RAB38: variants seen among roughly 807,000 people sequenced by gnomAD.
RAB38 encodes the protein ras-related protein Rab-38.
In RAB38, 15 loss-of-function variants were observed where a neutral mutation model predicts 18.4. The observed-to-expected ratio is 0.82, with a 90% CI of 0.55 to 1.26. RAB38 has a LOEUF of 1.26. RAB38 is among the 50% of genes most tolerant of loss of function. RAB38 has a pLI of 0.00. For synonymous variants in RAB38, 101 were observed against 104.4 expected (o/e 0.97, Z 0.20); for missense variants, 294 against 267.4 (o/e 1.10, Z -0.69).
the RAB38 span, among the ~76,000 whole-genome samples, chr11:88,103,792 T>A: frequency 0.015 from 2,292 of 152,258 alleles, 56 homozygotes; most frequent in African/African-American, 0.053. Flanking sequence ...AGGCACAATG[T>A]AAAGCCTTGT....
the RAB38 span, among the ~76,000 whole-genome samples, chr11:88,080,180 T>TGAG: frequency 6.6e-6 from 1 of 151,358 alleles, no homozygotes. Flanking sequence ...AAGTAAAGAG[T>TGAG]GAGCTTCTCA....
the RAB38 span, among the ~76,000 whole-genome samples, chr11:88,078,288 A>T: frequency 2.0e-5 from 3 of 152,006 alleles, no homozygotes; most frequent in African/African-American, 2.4e-5. Flanking sequence ...TAAAATTACC[A>T]TATGATCCAT....
the RAB38 span, among the ~76,000 whole-genome samples, chr11:88,097,460 G>A: frequency 6.6e-6 from 1 of 151,854 alleles, no homozygotes; most frequent in Non-Finnish European, 1.5e-5. Flanking sequence ...CAGAAACACA[G>A]AGGAAAGAGT....
the RAB38 span, among the ~76,000 whole-genome samples, chr11:87,832,767 C>G: frequency 1.4e-5 from 2 of 139,370 alleles, no homozygotes; most frequent in Non-Finnish European, 3.0e-5. Flanking sequence ...TTGGATCCAC[C>G]TAGATCACTC....
chr11:87,943,704 A>G, the RAB38 span, among the ~76,000 whole-genome samples: 4 of 152,102 alleles, frequency 2.6e-5, no homozygotes, highest in Non-Finnish European at 5.9e-5. Flanking sequence ...AGAGGTCTTA[A>G]AGATGGAGCA....
the RAB38 span, among the ~76,000 whole-genome samples, chr11:88,057,477 G>A: frequency 2.6e-5 from 4 of 151,562 alleles, no homozygotes; most frequent in African/African-American, 9.7e-5. Flanking sequence ...AAAAAAAAAT[G>A]AGGGAAAATG....
chr11:87,827,053 A>G, the RAB38 span, among the ~76,000 whole-genome samples: 1 of 152,300 alleles, frequency 6.6e-6, no homozygotes, highest in Non-Finnish European at 1.5e-5. Context: ...AGGTAACAAT[A>G]AGGAGTACCT....
At chr11:87,912,425 A>T in the RAB38 span, among the ~76,000 whole-genome samples, 1 of 151,940 alleles carries the variant, frequency 6.6e-6, no homozygotes, top group African/African-American at 2.4e-5. Context: ...TGAGCTTTTT[A>T]TAGTTTGTGT....
the RAB38 span, among the ~76,000 whole-genome samples, chr11:87,820,448 A>T: frequency 6.6e-6 from 1 of 152,226 alleles, no homozygotes; most frequent in African/African-American, 2.4e-5. Context: ...GAGAAACCTA[A>T]CATAGTACTT....
the RAB38 span, among the ~76,000 whole-genome samples, chr11:87,860,936 G>T: frequency 2.0e-5 from 3 of 151,784 alleles, no homozygotes; most frequent in African/African-American, 7.2e-5. Flanking sequence ...TTCAAAAGAA[G>T]CCCCCATCTC....
the RAB38 span, among the ~76,000 whole-genome samples, chr11:87,957,750 G>A: frequency 6.6e-6 from 1 of 152,040 alleles, no homozygotes; most frequent in Non-Finnish European, 1.5e-5. Flanking sequence ...ATAATCTGAG[G>A]TGGGGAGAAA....
chr11:88,149,887 C>A lies in RAB38; in HGVS notation c.271G>T (p.Asp91Tyr), dbSNP rs781587258. 1 of 1,613,862 alleles carries A rather than the reference C, an allele frequency of 6.2e-7. No homozygotes were observed. The highest frequency in any genetic ancestry group is 8.5e-7 in the Non-Finnish European group (1 of 1,179,934). The change falls in exon 2 of 3, where the codon GAT becomes TAT. Residue 91 changes from aspartate to tyrosine, a missense_variant. Transcript: ENST00000243662. ...REAMGAFIVFDVTRPATFEAV... is the reference protein window; with the variant it reads ...REAMGAFIVFYVTRPATFEAV... ...TCAAATGTGGCTGGCCTGGTGACAT[C>A]GAAGACAATAAATGCACCCATAGCT...
chr11:87,974,348 C>T, the RAB38 span, among the ~76,000 whole-genome samples: 1 of 148,920 alleles, frequency 6.7e-6, no homozygotes, highest in South Asian at 2.2e-4. Flanking sequence ...AAACCATAAC[C>T]CTGAAAGAAA....
the RAB38 span, among the ~76,000 whole-genome samples, chr11:88,035,443 T>C: frequency 1.3e-5 from 2 of 152,232 alleles, no homozygotes; most frequent in East Asian, 1.9e-4. Context: ...GATAGATGTA[T>C]ACATAAAGGG....
chr11:88,152,178 C>T (rs1943070131), intron 1 of RAB38, among the ~76,000 whole-genome samples: 1 of 152,180 alleles, frequency 6.6e-6, no homozygotes, highest in South Asian at 2.1e-4. Flanking sequence ...TAACTCAGAA[C>T]TTCCAAGGCC....
the RAB38 span, among the ~76,000 whole-genome samples, chr11:87,853,972 A>G: frequency 1.8e-4 from 28 of 152,260 alleles, no homozygotes; most frequent in African/African-American, 6.5e-4. Context: ...TCTGGGATTC[A>G]TGTCCCTCTC....
the RAB38 span, among the ~76,000 whole-genome samples, chr11:87,854,790 T>C: frequency 2.0e-5 from 3 of 152,072 alleles, no homozygotes; most frequent in Non-Finnish European, 4.4e-5. Flanking sequence ...TGGGGAAATA[T>C]TTATGATTCC....
At chr11:87,854,873 C>G in the RAB38 span, among the ~76,000 whole-genome samples, 1 of 152,116 alleles carries the variant, frequency 6.6e-6, no homozygotes, top group African/African-American at 2.4e-5. Context: ...TGGCTCATTG[C>G]AAGCTCTGCC....
chr11:87,913,464 A>G, the RAB38 span, among the ~76,000 whole-genome samples: 3 of 152,090 alleles, frequency 2.0e-5, no homozygotes, highest in Non-Finnish European at 4.4e-5. Context: ...ATGACCCTCT[A>G]TATCTTTGGT....
Sources: allele counts gnomAD v4.1 joint callset (sites outside exome capture counted in the v4.1 genomes callset), GRCh38; gene constraint gnomAD v4.1.1; transcripts MANE v1.5; gene names NCBI Gene and HGNC (gene_info 2026-07-23, HGNC 2026-07-21).